Variants in ARHGEF7 observed in about 807,000 individuals in gnomAD.
The protein encoded by ARHGEF7 is Rho guanine nucleotide exchange factor 7, also known as PAK-interacting exchange factor beta.
ARHGEF7 carries 33 observed loss-of-function variants against 109.8 expected under a neutral mutation model. The observed-to-expected ratio is 0.30, with a 90% CI of 0.23 to 0.40. The LOEUF (loss-of-function observed/expected upper bound fraction) is 0.40. ARHGEF7 is among the 10% of genes least tolerant of loss of function. The probability of loss-of-function intolerance (pLI) is 1.00; values close to 1 mark genes in which losing one functional copy is unlikely to be tolerated. For missense variants in ARHGEF7, 938 were observed against 1,098.5 expected (o/e 0.85, Z 2.07); for synonymous variants, 458 against 424.6 (o/e 1.08, Z -0.97).
intron 15 of ARHGEF7, 78 bp from the exon 16 acceptor site, chr13:111,283,061 A>C (rs1262999862): frequency 1.4e-6 from 2 of 1,451,676 alleles, no homozygotes; most frequent in South Asian, 2.5e-5. Flanking sequence ...AGCAGAAGGA[A>C]GTGCGTGATA....
intron 1 of ARHGEF7, chr13:111,153,603 A>G (rs780219521): frequency 2.7e-5 from 31 of 1,147,988 alleles, no homozygotes; most frequent in Non-Finnish European, 3.2e-5. Context: ...ACGCTATCCG[A>G]AGACGTCCCG....
chr13:111,180,849 G>T (rs867481286), intron 2 of ARHGEF7, among the ~76,000 whole-genome samples: 28 of 152,152 alleles, frequency 1.8e-4, no homozygotes, highest in Non-Finnish European at 2.9e-4. Context: ...TTTTTAATAC[G>T]TGTGTTTATA....
At chr13:111,189,226 G>T (rs574253943) in intron 2 of ARHGEF7, among the ~76,000 whole-genome samples, 145 of 152,352 alleles carry the variant, frequency 9.5e-4, no homozygotes, top group African/African-American at 3.3e-3. Flanking sequence ...TCCGGAATTG[G>T]TTCCTTCTGG....
chr13:111,267,404 TG>T, intron 8 of ARHGEF7, 143 bp from the exon 9 acceptor site: 1 of 1,042,626 alleles, frequency 9.6e-7, no homozygotes, highest in Non-Finnish European at 1.4e-6. Context: ...CAGCAACACA[TG>T]TGTGCTGGGA....
chr13:111,115,361 A>C lies in ARHGEF7; in HGVS notation c.-166A>C. ...GGCGCCTGACAGCGGGCCGGGGCGCACGGAGAAGCGGGCCGGGCCGGACCT... is the reference window on the plus strand; with the variant it reads ...GGCGCCTGACAGCGGGCCGGGGCGCCCGGAGAAGCGGGCCGGGCCGGACCT... On this transcript the variant is annotated 5_prime_UTR_variant, in exon 1 of 22. Transcript: ENST00000646102. The C allele has an allele frequency of 3.4e-6, 1 of 295,158 alleles. No individual in the cohort carries two copies. The allele number at this position is 295,158 out of a possible 1,614,324, so 18.3% of individuals were successfully genotyped here. A position where few individuals can be genotyped will look rare whatever the true frequency, so the allele number is the denominator to read the frequency against.
chr13:111,245,117 G>T (rs749285449), intron 8 of ARHGEF7, among the ~76,000 whole-genome samples: 11 of 152,176 alleles, frequency 7.2e-5, no homozygotes, highest in Non-Finnish European at 1.5e-4. Flanking sequence ...GGCCCTTCCT[G>T]TTGACCAATG....
intron 8 of ARHGEF7, among the ~76,000 whole-genome samples, chr13:111,249,150 ACT>A (rs936454140): frequency 5.3e-5 from 8 of 152,092 alleles, no homozygotes; most frequent in African/African-American, 1.9e-4. Context: ...CTTCCCAGCA[ACT>A]CTGGTAGAAC....
At chr13:111,198,110 A>T (rs886678319) in intron 2 of ARHGEF7, among the ~76,000 whole-genome samples, 5 of 152,176 alleles carry the variant, frequency 3.3e-5, no homozygotes, top group Non-Finnish European at 7.4e-5. Flanking sequence ...TACCAGGCAA[A>T]CCACCGCTCC....
intron 5 of ARHGEF7, among the ~76,000 whole-genome samples, chr13:111,227,192 G>C (rs938158147): frequency 6.6e-6 from 1 of 152,232 alleles, no homozygotes; most frequent in Non-Finnish European, 1.5e-5. Context: ...AAAAGATTTA[G>C]ACTGTTGCAA....
At chr13:111,297,816 G>A (rs184097507) in intron 19 of ARHGEF7, among the ~76,000 whole-genome samples, 31 of 152,268 alleles carry the variant, frequency 2.0e-4, no homozygotes, top group Admixed American at 1.2e-3. Context: ...TATGTCATTC[G>A]AAAATGTTAA....
At chr13:111,295,046 A>C in intron 19 of ARHGEF7, 1 of 985,846 alleles carries the variant, frequency 1.0e-6, no homozygotes, top group Non-Finnish European at 1.2e-6. Context: ...CTACCATTTG[A>C]AAAACTCAAT....
chr13:111,283,467 A>C (rs1035722397), intron 16 of ARHGEF7, 104 bp downstream of exon 16: 26 of 1,453,986 alleles, frequency 1.8e-5, no homozygotes, highest in Non-Finnish European at 2.3e-5. Context: ...AATGCACCCT[A>C]ACTCCTAGAG....
intron 2 of ARHGEF7, among the ~76,000 whole-genome samples, chr13:111,165,505 A>G (rs1466238369): frequency 5.9e-5 from 9 of 152,176 alleles, no homozygotes; most frequent in African/African-American, 2.2e-4. Flanking sequence ...AGTTTTGCCT[A>G]ACGTGAAAAT....
At chr13:111,250,112 G>T (rs1019167605) in intron 8 of ARHGEF7, among the ~76,000 whole-genome samples, 1 of 152,190 alleles carries the variant, frequency 6.6e-6, no homozygotes, top group African/African-American at 2.4e-5. Flanking sequence ...TCAAATCACA[G>T]TTCTTCCTTT....
intron 2 of ARHGEF7, among the ~76,000 whole-genome samples, chr13:111,192,293 T>C (rs1223235660): frequency 6.6e-6 from 1 of 152,146 alleles, no homozygotes; most frequent in East Asian, 1.9e-4. Context: ...AGTGTGGTCC[T>C]TCCTACAAAG....
At chr13:111,302,443 A>T (rs1204066052) in intron 21 of ARHGEF7, among the ~76,000 whole-genome samples, 1 of 152,226 alleles carries the variant, frequency 6.6e-6, no homozygotes, top group East Asian at 1.9e-4. Context: ...CTGTCATTCT[A>T]AGCAGTGTCC....
At chr13:111,274,075 AAG>A in intron 10 of ARHGEF7, 123 bp downstream of exon 10, 1 of 1,214,042 alleles carries the variant, frequency 8.2e-7, no homozygotes, top group Non-Finnish European at 1.1e-6. Flanking sequence ...AGAGTTTACA[AAG>A]AGTTTTGTTA....
intron 4 of ARHGEF7, 42 bp downstream of exon 4, chr13:111,210,044 G>T (rs2082308324): frequency 5.0e-6 from 8 of 1,612,872 alleles, no homozygotes; most frequent in Middle Eastern, 1.6e-4. Context: ...GTTTGGGAAG[G>T]ATATGAGTGT....
At chr13:111,293,773 C>G in intron 19 of ARHGEF7, 1 of 985,392 alleles carries the variant, frequency 1.0e-6, no homozygotes, top group South Asian at 4.7e-5. Context: ...TCTTTCTTCC[C>G]CACTGCCCAC....
Sources: gnomAD v4.1 joint callset for allele counts (sites outside exome capture counted in the v4.1 genomes callset) on GRCh38, gnomAD v4.1.1 for gene constraint, MANE v1.5 for transcripts, NCBI Gene and HGNC (gene_info 2026-07-23, HGNC 2026-07-21) for gene names.